The following PDXDC1 variants were observed in gnomAD, a reference collection of about 807,000 sequenced individuals.
The protein encoded by PDXDC1 is pyridoxal dependent decarboxylase domain containing 1, also known as pyridoxal-dependent decarboxylase domain-containing protein 1.
In PDXDC1, 42 loss-of-function variants were observed where a neutral mutation model predicts 100.1. The ratio of observed to expected loss-of-function variants is 0.42; its 90% CI spans 0.33 to 0.54. The LOEUF (loss-of-function observed/expected upper bound fraction) is 0.54. Ranked by LOEUF, PDXDC1 falls within the 20% of genes least tolerant of loss-of-function variation. The pLI is 0.10. For synonymous variants in PDXDC1, 260 were observed against 371.7 expected (o/e 0.70, Z 3.46); for missense variants, 636 against 979.2 (o/e 0.65, Z 4.68).
chr16:15,130,884 G>T, intron 16 of PDXDC1: 1 of 720,590 alleles, frequency 1.4e-6, no homozygotes. Context: ...CCTCTGCCAC[G>T]GGCCTGAAAG....
chr16:15,111,661 G>A (rs1598131317), intron 16 of PDXDC1, among the ~76,000 whole-genome samples: 1 of 143,152 alleles, frequency 7.0e-6, no homozygotes, highest in East Asian at 2.0e-4. Flanking sequence ...CGGAGGCTGA[G>A]GCAGGAGAAC....
the PDXDC1 span, among the ~76,000 whole-genome samples, chr16:15,149,521 G>C: frequency 6.6e-6 from 1 of 152,194 alleles, no homozygotes; most frequent in Non-Finnish European, 1.5e-5. Flanking sequence ...ATCAGGCCTA[G>C]GGGTCGCTCC....
chr16:15,019,867 C>T (rs2042045623), intron 12 of PDXDC1, among the ~76,000 whole-genome samples: 1 of 152,284 alleles, frequency 6.6e-6, no homozygotes, highest in Non-Finnish European at 1.5e-5. Context: ...AATTCCAGCA[C>T]TTTGGGAGGC....
At chr16:15,148,162 C>T in the PDXDC1 span, among the ~76,000 whole-genome samples, 14 of 151,208 alleles carry the variant, frequency 9.3e-5, no homozygotes, top group Admixed American at 1.3e-4. Flanking sequence ...TTATTGGTCT[C>T]GCTATGTTGC....
At chr16:15,085,039 C>T (rs932365747) in intron 16 of PDXDC1, among the ~76,000 whole-genome samples, 4 of 152,064 alleles carry the variant, frequency 2.6e-5, no homozygotes, top group African/African-American at 9.7e-5. Context: ...ATACTCCAGC[C>T]TGGGCAACAG....
intron 16 of PDXDC1, among the ~76,000 whole-genome samples, chr16:15,129,649 T>G (rs369665426): frequency 6.6e-6 from 1 of 152,198 alleles, no homozygotes. Flanking sequence ...CTGTGCAGAA[T>G]GTGGGCTGCC....
chr16:15,036,212 G>C lies in PDXDC1; in HGVS notation c.2304G>C (p.Gln768His). 1.2e-6 allele frequency: 2 copies of C among 1,614,110 alleles called. No individual in the cohort carries two copies. Among genetic ancestry groups the C allele is most frequent in the Non-Finnish European group, 1.7e-6 (2 of 1,180,000 alleles). The change falls in exon 23 of 23, where the codon CAG (glutamine) becomes CAC (histidine). Residue 768 changes from glutamine (Q) to histidine (H), a missense_variant. Gln to His is a conservative substitution (Grantham distance 24). Coordinates refer to ENST00000396410, the MANE Select transcript of PDXDC1 (RefSeq NM_015027.4). ...PQHTDQTEAF[Q>H]KGVPHPEDDH... ...ACACCGACCAGACCGAGGCCTTCCA[G>C]AAAGGGGTCCCACACCCAGAAGATG... is the stretch of plus-strand genomic sequence containing the variant.
rs774385722 is a variant in PDXDC1 at position 15,047,999 on chromosome 16, T to A, written c.1399+17943T>A. On this transcript the variant is annotated intron_variant, in intron 16 of 16. Transcript: ENST00000535621. ...CAATTCACTGCTTCCTAACCTACCA[T>A]CCTTTGGGGAGGTCACTGCAAGCTC... is the stretch of plus-strand genomic sequence containing the variant. 8 of 1,609,970 alleles carry A rather than the reference T, an allele frequency of 5.0e-6. No individual in the cohort carries two copies. In the South Asian group the frequency reaches 8.8e-5, roughly 18 times the overall value.
At chr16:15,132,448 G>A (rs1237397240) in intron 16 of PDXDC1, among the ~76,000 whole-genome samples, 1 of 143,054 alleles carries the variant, frequency 7.0e-6, no homozygotes, top group Non-Finnish European at 1.5e-5. Context: ...GGGGAGGGGA[G>A]AGTGGAAGGC....
chr16:14,981,064 A>T (rs1172295969), intron 1 of PDXDC1, among the ~76,000 whole-genome samples: 1 of 152,300 alleles, frequency 6.6e-6, no homozygotes, highest in Non-Finnish European at 1.5e-5. Flanking sequence ...AGGGATAAAA[A>T]GCATAGGAAT....
chr16:15,145,606 C>G, the PDXDC1 span, among the ~76,000 whole-genome samples: 7 of 152,252 alleles, frequency 4.6e-5, no homozygotes, highest in African/African-American at 1.2e-4. Context: ...AGAAAAGGAC[C>G]CAGCCCGCCT....
chr16:14,984,501 T>A (rs1483688751), intron 1 of PDXDC1, among the ~76,000 whole-genome samples: 7 of 123,454 alleles, frequency 5.7e-5, no homozygotes, highest in African/African-American at 1.1e-4. Context: ...ATATATTTTT[T>A]TTTTTTTTTT....
At chr16:15,014,534 C>T (rs1417012320) in intron 8 of PDXDC1, among the ~76,000 whole-genome samples, 1 of 152,260 alleles carries the variant, frequency 6.6e-6, no homozygotes, top group Non-Finnish European at 1.5e-5. Context: ...CATGCATTGA[C>T]ATTTGATCTT....
chr16:15,028,484 CT>C (rs1235786826), intron 14 of PDXDC1, among the ~76,000 whole-genome samples: 2 of 152,298 alleles, frequency 1.3e-5, no homozygotes, highest in Admixed American at 1.3e-4. Flanking sequence ...CCTTACCTGC[CT>C]TCTGTCCCAA....
At chr16:14,976,176 T>C (rs1158680885) in intron 1 of PDXDC1, among the ~76,000 whole-genome samples, 2 of 152,292 alleles carry the variant, frequency 1.3e-5, no homozygotes, top group Non-Finnish European at 2.9e-5. Context: ...CTGCCCTCCC[T>C]CAAAGCCCTT....
At chr16:15,106,736 C>T (rs978169601) in intron 16 of PDXDC1, among the ~76,000 whole-genome samples, 1 of 105,466 alleles carries the variant, frequency 9.5e-6, no homozygotes, top group African/African-American at 2.6e-5. Context: ...GCCTGGGTGA[C>T]ACAGCAAGAC....
chr16:15,093,846 G>C (rs2046239483), intron 16 of PDXDC1: 1 of 444,550 alleles, frequency 2.2e-6, no homozygotes, highest in Non-Finnish European at 4.0e-6. Flanking sequence ...GGACGAAGAA[G>C]AGGGAAGGAA....
intron 19 of PDXDC1, among the ~76,000 whole-genome samples, chr16:15,033,907 C>T (rs545683830): frequency 1.6e-4 from 24 of 152,228 alleles, no homozygotes; most frequent in African/African-American, 4.1e-4. Context: ...CCCTAAAAAT[C>T]ACTCAAAAGG....
chr16:15,038,553 A>T (rs746473437), downstream of PDXDC1: 16 of 1,317,504 alleles, frequency 1.2e-5, no homozygotes, highest in Admixed American at 7.0e-5. Flanking sequence ...TTTAAGACTT[A>T]CCCAGCCTGT....
Sources: gnomAD v4.1 joint callset for allele counts (sites outside exome capture counted in the v4.1 genomes callset) on GRCh38, gnomAD v4.1.1 for gene constraint, MANE v1.5 for transcripts, NCBI Gene and HGNC (gene_info 2026-07-23, HGNC 2026-07-21) for gene names.